LYPD6B: variants seen among roughly 807,000 people sequenced by gnomAD.
LYPD6B encodes the protein ly6/PLAUR domain-containing protein 6B.
A neutral mutation model predicts 22.8 loss-of-function variants in LYPD6B; 17 were observed. The ratio of observed to expected loss-of-function variants is 0.75; its 90% CI spans 0.51 to 1.12. The LOEUF is 1.12. Among genes scored for constraint, LYPD6B ranks in the 50% most tolerant of loss-of-function variants. The pLI is 0.00. For missense variants in LYPD6B, 221 were observed against 258.3 expected, an observed-to-expected ratio of 0.86 and a Z score of 0.99; for synonymous variants, 106 against 91.6, an observed-to-expected ratio of 1.16 and a Z score of -0.90.
rs372202320 is a variant in LYPD6B, at chr2:149,177,033, C to T, written c.77+16198C>T. Among the ~76,000 whole-genome samples the T allele has an allele frequency of 3.7e-4, 57 of 152,286 alleles. No individual in the cohort carries two copies. The South Asian group carries it at 3.9e-3, about 11-fold the overall frequency. On this transcript the variant is annotated intron_variant, in intron 3 of 6. Coordinates refer to ENST00000409642, the MANE Select transcript of LYPD6B (RefSeq NM_177964.5). ...TTGTTTATGAAGATTTGAAGTGGAT[C>T]AATTCAGCTGTGTTTGCATTCTGTA...
At chr2:149,183,849 G>GTA (rs1691915104) in intron 3 of LYPD6B, among the ~76,000 whole-genome samples, 1 of 136,806 alleles carries the variant, frequency 7.3e-6, no homozygotes, top group East Asian at 2.6e-4. Flanking sequence ...GTATGTGTAT[G>GTA]TGTGTGTGTG....
chr2:149,073,975 G>A (rs6729984), intron 1 of LYPD6B, among the ~76,000 whole-genome samples: 2,381 of 152,194 alleles, frequency 0.016, 55 homozygotes, highest in African/African-American at 0.054. Context: ...TCAACAGACC[G>A]TGCTCCATTG....
At chr2:149,184,048 C>T (rs373156956) in intron 3 of LYPD6B, among the ~76,000 whole-genome samples, 20 of 151,906 alleles carry the variant, frequency 1.3e-4, no homozygotes, top group African/African-American at 4.1e-4. Context: ...CAAAATTAGC[C>T]GGGCATGGTG....
At chr2:149,109,835 C>T (rs1686672241) in intron 1 of LYPD6B, among the ~76,000 whole-genome samples, 1 of 152,096 alleles carries the variant, frequency 6.6e-6, no homozygotes, top group Non-Finnish European at 1.5e-5. Context: ...CCTCAGCCTC[C>T]TGAGTAGCTG....
At chr2:149,072,827 A>G (rs1224985186) in intron 1 of LYPD6B, among the ~76,000 whole-genome samples, 2 of 152,140 alleles carry the variant, frequency 1.3e-5, no homozygotes, top group Non-Finnish European at 2.9e-5. Flanking sequence ...TTGAGGCACC[A>G]TGCCTGGCCT....
At chr2:149,052,878 GAAGCCCCCAT>G (rs1345716999) in intron 1 of LYPD6B, among the ~76,000 whole-genome samples, 1 of 152,176 alleles carries the variant, frequency 6.6e-6, no homozygotes, top group Non-Finnish European at 1.5e-5. Flanking sequence ...AAGAAAACGA[GAAGCCCCCAT>G]AAGCCCATTT....
chr2:149,149,069 G>A (rs1204462990), intron 2 of LYPD6B, among the ~76,000 whole-genome samples: 2 of 152,102 alleles, frequency 1.3e-5, no homozygotes, highest in Non-Finnish European at 2.9e-5. Context: ...AAACCTGAAG[G>A]ATACATTGAC....
intron 5 of LYPD6B, among the ~76,000 whole-genome samples, chr2:149,210,602 C>T (rs780325716): frequency 6.6e-6 from 1 of 152,158 alleles, no homozygotes; most frequent in East Asian, 1.9e-4. Context: ...TTTACAGCTT[C>T]ACTTCTGTGG....
At chr2:149,205,464 G>A (rs1693453772) in intron 4 of LYPD6B, 60 bp downstream of exon 4, 2 of 1,535,020 alleles carry the variant, frequency 1.3e-6, no homozygotes, top group South Asian at 2.4e-5. Context: ...TTAATATGAA[G>A]CCCCCTTTTC....
chr2:149,111,932 A>G (rs985524391), intron 1 of LYPD6B, among the ~76,000 whole-genome samples: 2 of 152,154 alleles, frequency 1.3e-5, no homozygotes, highest in African/African-American at 4.8e-5. Context: ...AAGAAAGAGG[A>G]TGTGATATAC....
At chr2:149,169,773 C>A (rs1429636324) in intron 3 of LYPD6B, among the ~76,000 whole-genome samples, 1 of 152,144 alleles carries the variant, frequency 6.6e-6, no homozygotes, top group Non-Finnish European at 1.5e-5. Flanking sequence ...GGGAGGAAAG[C>A]GACATTGATT....
intron 3 of LYPD6B, among the ~76,000 whole-genome samples, chr2:149,190,799 C>T (rs72859084): frequency 0.014 from 2,157 of 152,102 alleles, 20 homozygotes; most frequent in Non-Finnish European, 0.023. Context: ...GTGAGATTAT[C>T]TATTGTTTTA....
intron 1 of LYPD6B, among the ~76,000 whole-genome samples, chr2:149,089,529 A>AT (rs1685550713): frequency 6.6e-6 from 1 of 152,206 alleles, no homozygotes; most frequent in Admixed American, 6.5e-5. Flanking sequence ...TCTGTAAAAT[A>AT]GTTAAAATAC....
chr2:149,081,507 C>T (rs1685132781), intron 1 of LYPD6B, among the ~76,000 whole-genome samples: 1 of 152,200 alleles, frequency 6.6e-6, no homozygotes, highest in Admixed American at 6.5e-5. Context: ...TTGGCTGAGC[C>T]TGCTTGGGTA....
intron 1 of LYPD6B, among the ~76,000 whole-genome samples, chr2:149,043,933 T>A (rs1297685561): frequency 6.6e-6 from 1 of 152,126 alleles, no homozygotes; most frequent in Non-Finnish European, 1.5e-5. Context: ...CACTAATCAA[T>A]TAGCTAAAAT....
At chr2:149,170,616 T>A (rs1690752402) in intron 3 of LYPD6B, among the ~76,000 whole-genome samples, 1 of 152,188 alleles carries the variant, frequency 6.6e-6, no homozygotes, top group Non-Finnish European at 1.5e-5. Context: ...TTATTACAGA[T>A]CTAGAGACAC....
chr2:149,050,410 A>C (rs1683497048), intron 1 of LYPD6B, among the ~76,000 whole-genome samples: 1 of 152,198 alleles, frequency 6.6e-6, no homozygotes, highest in Non-Finnish European at 1.5e-5. Flanking sequence ...CCATCAAAAT[A>C]CTGCACAGAA....
chr2:149,053,558 C>G (rs1323792150), intron 1 of LYPD6B, among the ~76,000 whole-genome samples: 1 of 152,168 alleles, frequency 6.6e-6, no homozygotes, highest in African/African-American at 2.4e-5. Flanking sequence ...ATGAAAGTAT[C>G]TCACTGTTAT....
At chr2:149,119,012 T>C (rs559529217) in intron 1 of LYPD6B, 1 of 152,356 alleles carries the variant, frequency 6.6e-6, no homozygotes, top group South Asian at 2.1e-4. Context: ...AAGTGCTTTA[T>C]AAATGTAAGG....
Sources: allele counts gnomAD v4.1 joint callset (sites outside exome capture counted in the v4.1 genomes callset), GRCh38; gene constraint gnomAD v4.1.1; transcripts MANE v1.5; gene names NCBI Gene and HGNC (gene_info 2026-07-23, HGNC 2026-07-21).